The following CFDP1 variants were observed in gnomAD, a reference collection of about 807,000 sequenced individuals.
The protein encoded by CFDP1 is heterochromatin-stabilizing protein CFDP1.
In CFDP1, 31 loss-of-function variants were observed where a neutral mutation model predicts 40.1. The observed-to-expected ratio is 0.77, with a 90% confidence interval of 0.58 to 1.04. CFDP1 has a LOEUF of 1.04. CFDP1 is among the 50% of genes least tolerant of loss of function. The pLI is 0.00. For synonymous variants in CFDP1, 167 were observed against 120.0 expected, an observed-to-expected ratio of 1.39 and a Z score of -2.56; for missense variants, 423 against 343.4, an observed-to-expected ratio of 1.23 and a Z score of -1.83.
rs189463756 is a variant in CFDP1, at chr16:75,320,410, C to A, written c.651-15228G>T. Among the ~76,000 whole-genome samples the A allele has an allele frequency of 2.0e-5, 3 of 151,552 alleles. No individual in the cohort carries two copies. The East Asian group carries it at 5.8e-4, about 29-fold the overall frequency. ...AGGTCTGCTGAAACAAAGTTGGCTG[C>A]TCTGCCAACAGATTGTTTGAAGGAA... On this transcript the variant is annotated intron_variant, in intron 5 of 6. Coordinates refer to ENST00000283882, the MANE Select transcript of CFDP1 (RefSeq NM_006324.3).
At chr16:75,419,000 A>C (rs2079244097) in intron 1 of CFDP1, 1 of 297,156 alleles carries the variant, frequency 3.4e-6, no homozygotes, top group African/African-American at 2.2e-5. Context: ...AAAATTAGTC[A>C]GGCATGGTGG....
chr16:75,431,009 G>A (rs1195881872), intron 1 of CFDP1, among the ~76,000 whole-genome samples: 1 of 152,096 alleles, frequency 6.6e-6, no homozygotes, highest in Non-Finnish European at 1.5e-5. Flanking sequence ...TTTATTTTTG[G>A]TTTACAGCAG....
At chr16:75,419,119 T>A in intron 1 of CFDP1, 1 of 367,602 alleles carries the variant, frequency 2.7e-6, no homozygotes, top group Admixed American at 2.9e-5. Flanking sequence ...AAATAAATAA[T>A]AATAAAAAAA....
At chr16:75,330,847 A>C (rs2078440661) in intron 5 of CFDP1, among the ~76,000 whole-genome samples, 1 of 151,874 alleles carries the variant, frequency 6.6e-6, no homozygotes, top group Non-Finnish European at 1.5e-5. Context: ...ATCAAGTTCC[A>C]TTGTACATCC....
chr16:75,409,689 C>T (rs532009212), intron 4 of CFDP1, among the ~76,000 whole-genome samples: 1 of 152,128 alleles, frequency 6.6e-6, no homozygotes, highest in African/African-American at 2.4e-5. Context: ...GTATTAAAGG[C>T]TGATGTGTCA....
chr16:75,423,109 T>C (rs888992794), intron 1 of CFDP1, among the ~76,000 whole-genome samples: 1 of 151,670 alleles, frequency 6.6e-6, no homozygotes, highest in African/African-American at 2.4e-5. Context: ...TGAAACCCCA[T>C]CTCTACTAAA....
At chr16:75,405,431 G>C (rs990021343) in intron 4 of CFDP1, among the ~76,000 whole-genome samples, 1 of 151,592 alleles carries the variant, frequency 6.6e-6, no homozygotes, top group Admixed American at 6.6e-5. Context: ...TTTGACACCA[G>C]GCTGGATAAA....
At chr16:75,422,970 A>G (rs919665914) in intron 1 of CFDP1, among the ~76,000 whole-genome samples, 2 of 151,914 alleles carry the variant, frequency 1.3e-5, no homozygotes. Flanking sequence ...ATGGTGAGAG[A>G]CCTCATCTCT....
chr16:75,319,785 G>C (rs1002859639), intron 5 of CFDP1, among the ~76,000 whole-genome samples: 1 of 152,160 alleles, frequency 6.6e-6, no homozygotes, highest in Non-Finnish European at 1.5e-5. Context: ...GATTTAAAGA[G>C]CCCTTAGGAA....
intron 5 of CFDP1, among the ~76,000 whole-genome samples, chr16:75,340,676 TAAG>T (rs1412915416): frequency 1.3e-5 from 2 of 152,340 alleles, no homozygotes; most frequent in South Asian, 2.1e-4. Context: ...TTAAGAAACT[TAAG>T]AAAGAGAAGC....
rs2078553365 is a variant in CFDP1 at position 75,345,136 on chromosome 16, G to A, written c.651-39954C>T. Among the ~76,000 whole-genome samples, 3 of 151,678 alleles carry A rather than the reference G, an allele frequency of 2.0e-5. No homozygotes were observed. In the South Asian group the frequency reaches 6.3e-4, roughly 32 times the overall value. On this transcript the variant is annotated intron_variant, in intron 5 of 6. Coordinates refer to ENST00000283882, the MANE Select transcript of CFDP1 (RefSeq NM_006324.3). ...AGCCCAAGAGTTTGAGACCAGCCTG[G>A]GCAACAAAGCAAGACCCCATCACTA...
chr16:75,412,487 G>A (rs377367772), intron 3 of CFDP1, 48 bp downstream of exon 3: 4 of 1,381,266 alleles, frequency 2.9e-6, no homozygotes, highest in African/African-American at 1.4e-5. Flanking sequence ...TCTCAGTAAT[G>A]TAGGGTATTT....
At chr16:75,425,117 T>G (rs1474333024) in intron 1 of CFDP1, among the ~76,000 whole-genome samples, 2 of 152,052 alleles carry the variant, frequency 1.3e-5, no homozygotes, top group Non-Finnish European at 1.5e-5. Context: ...TAGACTAAAA[T>G]ATAAGATCGT....
chr16:75,360,239 C>T (rs1320217247), intron 5 of CFDP1, among the ~76,000 whole-genome samples: 1 of 150,192 alleles, frequency 6.7e-6, no homozygotes, highest in African/African-American at 2.4e-5. Flanking sequence ...GAACCAGGAA[C>T]CTAGATGGGA....
intron 6 of CFDP1, among the ~76,000 whole-genome samples, chr16:75,302,914 G>C (rs960308945): frequency 4.6e-5 from 7 of 152,090 alleles, no homozygotes; most frequent in Admixed American, 4.6e-4. Flanking sequence ...TTTTTTTTAG[G>C]GCTGGGCGTG....
At chr16:75,296,394 C>T (rs1371980082) in intron 6 of CFDP1, among the ~76,000 whole-genome samples, 5 of 152,180 alleles carry the variant, frequency 3.3e-5, no homozygotes, top group African/African-American at 1.2e-4. Context: ...CACACCACCA[C>T]ACCTGGCTAA....
chr16:75,428,815 C>T (rs11149832), intron 1 of CFDP1, among the ~76,000 whole-genome samples: 78,482 of 151,808 alleles, frequency 0.52, 21,336 homozygotes, highest in Admixed American at 0.64. Flanking sequence ...ATCATGGTGA[C>T]ATATTAGAAA....
intron 4 of CFDP1, among the ~76,000 whole-genome samples, chr16:75,397,470 C>T (rs2079005786): frequency 6.6e-6 from 1 of 151,916 alleles, no homozygotes; most frequent in African/African-American, 2.4e-5. Flanking sequence ...AGCATCACTG[C>T]ACTCCAGCCC....
intron 5 of CFDP1, among the ~76,000 whole-genome samples, chr16:75,364,044 G>C (rs1182447956): frequency 6.6e-6 from 1 of 151,564 alleles, no homozygotes; most frequent in Non-Finnish European, 1.5e-5. Flanking sequence ...ATACTAGTGG[G>C]AACCTAATTT....
Sources: allele counts gnomAD v4.1 joint callset (sites outside exome capture counted in the v4.1 genomes callset), GRCh38; gene constraint gnomAD v4.1.1; transcripts MANE v1.5; gene names NCBI Gene and HGNC (gene_info 2026-07-23, HGNC 2026-07-21).